The following RNLS variants were observed in gnomAD, a reference collection of about 807,000 sequenced individuals.
The protein encoded by RNLS is renalase.
Under a neutral mutation model 39.8 loss-of-function variants are expected in RNLS, and 39 were observed. The ratio of observed to expected loss-of-function variants is 0.98; its 90% confidence interval spans 0.76 to 1.28. RNLS has a LOEUF of 1.28. Ranked by LOEUF, RNLS falls within the 50% of genes most tolerant of loss-of-function variation. The pLI, the probability that RNLS is intolerant of heterozygous loss-of-function variation, is 0.00. For missense variants in RNLS, 410 were observed against 413.3 expected (o/e 0.99, Z 0.07); for synonymous variants, 147 against 150.7 (o/e 0.98, Z 0.18).
At chr10:88,211,009 C>T in the RNLS span, among the ~76,000 whole-genome samples, 95 of 152,204 alleles carry the variant, frequency 6.2e-4, 1 homozygote, top group African/African-American at 2.3e-3. Flanking sequence ...AGAAGCATTT[C>T]AAGACTGTAC....
At chr10:88,579,021 T>G (rs977170301) in intron 3 of RNLS, among the ~76,000 whole-genome samples, 6 of 152,132 alleles carry the variant, frequency 3.9e-5, no homozygotes, top group Admixed American at 1.3e-4. Flanking sequence ...AAAGGCATAC[T>G]AATATGAGAA....
intron 4 of RNLS, among the ~76,000 whole-genome samples, chr10:88,512,892 G>A (rs547136697): frequency 8.5e-5 from 13 of 152,232 alleles, no homozygotes; most frequent in African/African-American, 2.6e-4. Flanking sequence ...TATGGTGCTG[G>A]ATAAATTATT....
chr10:88,464,246 T>C (rs111825445), intron 4 of RNLS, among the ~76,000 whole-genome samples: 1 of 152,128 alleles, frequency 6.6e-6, no homozygotes, highest in Non-Finnish European at 1.5e-5. Flanking sequence ...GAAATCGATA[T>C]CATCAGCAAG....
At chr10:88,428,510 G>T (rs982098623) in intron 4 of RNLS, among the ~76,000 whole-genome samples, 8 of 151,976 alleles carry the variant, frequency 5.3e-5, no homozygotes, top group Non-Finnish European at 1.2e-4. Flanking sequence ...GACTGTCCAT[G>T]TGGTTTTGAC....
chr10:88,316,930 C>G (rs1324618808), intron 5 of RNLS, among the ~76,000 whole-genome samples: 1 of 152,018 alleles, frequency 6.6e-6, no homozygotes, highest in African/African-American at 2.4e-5. Flanking sequence ...TCTAAAAATA[C>G]AAAGAGTCAA....
the RNLS span, among the ~76,000 whole-genome samples, chr10:88,197,744 G>A: frequency 1.3e-5 from 2 of 152,172 alleles, no homozygotes; most frequent in Non-Finnish European, 1.5e-5. Flanking sequence ...AATTCGATAA[G>A]ATTGGTGGCC....
intron 4 of RNLS, among the ~76,000 whole-genome samples, chr10:88,545,254 C>T (rs1848239365): frequency 6.6e-6 from 1 of 151,980 alleles, no homozygotes; most frequent in Admixed American, 6.6e-5. Context: ...TTCTAGAATA[C>T]AGACCAAAAA....
At chr10:88,322,250 C>A (rs2133100841) in intron 5 of RNLS, among the ~76,000 whole-genome samples, 1 of 152,106 alleles carries the variant, frequency 6.6e-6, no homozygotes, top group African/African-American at 2.4e-5. Flanking sequence ...CAATAAAAAC[C>A]CTCCAACGAA....
intron 4 of RNLS, among the ~76,000 whole-genome samples, chr10:88,454,096 C>T (rs1463953534): frequency 6.6e-6 from 1 of 152,040 alleles, no homozygotes; most frequent in Non-Finnish European, 1.5e-5. Flanking sequence ...TATCACAGAA[C>T]CCTGAGAAAT....
intron 4 of RNLS, among the ~76,000 whole-genome samples, chr10:88,464,989 C>A (rs1843124181): frequency 6.6e-6 from 1 of 152,094 alleles, no homozygotes; most frequent in African/African-American, 2.4e-5. Context: ...AACCACTAGC[C>A]ATGGCTTGGG....
chr10:88,212,117 GCCTTCTCT>G, the RNLS span, among the ~76,000 whole-genome samples: 3 of 152,078 alleles, frequency 2.0e-5, no homozygotes, highest in Non-Finnish European at 4.4e-5. Context: ...CTTTTATGAT[GCCTTCTCT>G]GACCCTCAGT....
chr10:88,291,476 G>A (rs2132882960), intron 6 of RNLS, among the ~76,000 whole-genome samples: 1 of 152,226 alleles, frequency 6.6e-6, no homozygotes, highest in South Asian at 2.1e-4. Context: ...ACAGATTATG[G>A]GGGTGACACA....
Position 88,324,676 on chromosome 10 carries a change from G to A in RNLS, c.701-10035C>T, listed in dbSNP as rs186061298. Among the ~76,000 whole-genome samples the A allele has an allele frequency of 1.4e-3, 211 of 152,162 alleles. 2 individuals carry two copies. Among genetic ancestry groups the A allele is most frequent in the Non-Finnish European group, 4.0e-4 (27 of 67,982 alleles). On this transcript the variant is annotated intron_variant, in intron 5 of 6. Coordinates refer to ENST00000331772, the MANE Select transcript of RNLS (RefSeq NM_001031709.3). Reference sequence around the variant, plus strand: ...CAAACGCCAGCATTACACAATATACGCATGTAACAAATCTGCACAGGTGCC... The same window carrying A: ...CAAACGCCAGCATTACACAATATACACATGTAACAAATCTGCACAGGTGCC...
intron 4 of RNLS, among the ~76,000 whole-genome samples, chr10:88,492,171 G>A (rs1015658380): frequency 4.6e-5 from 7 of 152,020 alleles, no homozygotes; most frequent in Non-Finnish European, 7.4e-5. Flanking sequence ...GATTTTCCCA[G>A]CAACCTGACC....
At position 88,375,610 on chromosome 10, in the gene RNLS, T is replaced by C. The variant is rs566303434; in HGVS notation, c.527-12885A>G. Among the ~76,000 whole-genome samples, 27 of 152,288 alleles carry C rather than the reference T, an allele frequency of 1.8e-4. No individual in the cohort carries two copies. In the South Asian group the frequency reaches 2.3e-3, roughly 13 times the overall value. On this transcript the variant is annotated intron_variant, in intron 4 of 6. Coordinates refer to ENST00000331772, the MANE Select transcript of RNLS (RefSeq NM_001031709.3). ...GATTACCAACAGAGAGTTCATAAAC[T>C]GAGAGCTGCCTGCAATGAGAACTGA...
the RNLS span, among the ~76,000 whole-genome samples, chr10:88,173,123 G>T: frequency 6.6e-6 from 1 of 151,982 alleles, no homozygotes; most frequent in Non-Finnish European, 1.5e-5. Flanking sequence ...CTCCCAAAGT[G>T]CTGGGATTAC....
chr10:88,215,988 G>A, the RNLS span, among the ~76,000 whole-genome samples: 2 of 152,032 alleles, frequency 1.3e-5, no homozygotes, highest in African/African-American at 2.4e-5. Context: ...GTAAGCCACC[G>A]TGCCCGGCCT....
At chr10:88,513,689 C>T (rs1057111479) in intron 4 of RNLS, among the ~76,000 whole-genome samples, 10 of 152,072 alleles carry the variant, frequency 6.6e-5, no homozygotes, top group Admixed American at 5.9e-4. Context: ...CTTGCATAAA[C>T]ACCTTTTCAC....
chr10:88,553,985 T>C (rs1485076615), intron 4 of RNLS, among the ~76,000 whole-genome samples: 2 of 152,148 alleles, frequency 1.3e-5, no homozygotes, highest in Non-Finnish European at 2.9e-5. Context: ...TTCTAAAGAA[T>C]GAACACCACA....
Sources: allele counts gnomAD v4.1 joint callset (sites outside exome capture counted in the v4.1 genomes callset), GRCh38; gene constraint gnomAD v4.1.1; transcripts MANE v1.5; gene names NCBI Gene and HGNC (gene_info 2026-07-23, HGNC 2026-07-21).